LRFN5: variants seen among roughly 807,000 people sequenced by gnomAD.
LRFN5 encodes the protein leucine-rich repeat and fibronectin type-III domain-containing protein 5.
A neutral mutation model predicts 45.6 loss-of-function variants in LRFN5; 24 were observed. The ratio of observed to expected loss-of-function variants is 0.53; its 90% confidence interval spans 0.38 to 0.74. The LOEUF is 0.74. LRFN5 is among the 30% of genes least tolerant of loss of function. The pLI, the probability that LRFN5 is intolerant of heterozygous loss-of-function variation, is 0.00. For missense variants in LRFN5, 776 were observed against 861.5 expected, an observed-to-expected ratio of 0.90 and a Z score of 1.24; for synonymous variants, 340 against 313.8, an observed-to-expected ratio of 1.08 and a Z score of -0.88.
chr14:41,610,990 ATGC>A (rs1193735851), intron 1 of LRFN5, among the ~76,000 whole-genome samples: 1 of 152,180 alleles, frequency 6.6e-6, no homozygotes, highest in Non-Finnish European at 1.5e-5. Context: ...GAAAAAAGAA[ATGC>A]TGGTGAATAT....
chr14:41,775,495 C>G (rs1439857702), intron 2 of LRFN5, among the ~76,000 whole-genome samples: 2 of 152,152 alleles, frequency 1.3e-5, no homozygotes, highest in Non-Finnish European at 2.9e-5. Context: ...AACTGGCATG[C>G]AAATATGGAT....
At chr14:41,736,452 T>C (rs534367178) in intron 1 of LRFN5, among the ~76,000 whole-genome samples, 2 of 152,310 alleles carry the variant, frequency 1.3e-5, no homozygotes, top group South Asian at 4.1e-4. Flanking sequence ...TTGATTTTTT[T>C]TCTTGTAAAT....
rs140386422 is a variant in LRFN5, at chr14:41,759,070, G to A, written c.-196-7784G>A. On this transcript the variant is annotated intron_variant, in intron 1 of 5. Transcript: ENST00000298119. ...CAGGCCAATAAGAGATCTAAGACACGTGGTACATCACATGATGTACCATTA... is the reference window on the plus strand; with the variant it reads ...CAGGCCAATAAGAGATCTAAGACACATGGTACATCACATGATGTACCATTA... Among the ~76,000 whole-genome samples the A allele has an allele frequency of 8.5e-5, 13 of 152,166 alleles. No homozygotes were observed. The East Asian group carries it at 1.7e-3, about 20-fold the overall frequency.
intron 2 of LRFN5, among the ~76,000 whole-genome samples, chr14:41,778,402 C>T (rs1259946115): frequency 6.6e-6 from 1 of 151,566 alleles, no homozygotes; most frequent in African/African-American, 2.4e-5. Context: ...TTTTAAAGTA[C>T]TTTGGGGACT....
intron 1 of LRFN5, among the ~76,000 whole-genome samples, chr14:41,698,133 A>T (rs918849575): frequency 6.6e-6 from 1 of 152,050 alleles, no homozygotes; most frequent in Admixed American, 6.6e-5. Flanking sequence ...AATTTAAGAA[A>T]TGTGTAAAGC....
intron 2 of LRFN5, among the ~76,000 whole-genome samples, chr14:41,792,373 A>T (rs1051565092): frequency 2.0e-5 from 3 of 152,034 alleles, no homozygotes; most frequent in African/African-American, 7.2e-5. Flanking sequence ...GTTCGAGAGC[A>T]GAGAACTTGT....
chr14:41,894,522 A>G lies in LRFN5; in HGVS notation c.2098+2560A>G, dbSNP rs1374654069. The G allele has an allele frequency of 5.2e-6, 5 of 965,458 alleles. No individual in the cohort carries two copies. In the East Asian group the frequency reaches 3.4e-4, roughly 66 times the overall value. 59.8% of individuals were successfully genotyped at this position (965,458 alleles called of 1,614,324 possible). A position where few individuals can be genotyped will look rare whatever the true frequency, so the allele number is the denominator to read the frequency against. ...TCTGGCCTGAGATTTTGCCCTTCAA[A>G]AAGTCTATATTTTAAGAGATTAACA... On this transcript the variant is annotated intron_variant, in intron 4 of 5. Transcript: ENST00000298119.
chr14:41,674,149 C>T (rs1881438804), intron 1 of LRFN5, among the ~76,000 whole-genome samples: 1 of 136,026 alleles, frequency 7.4e-6, no homozygotes, highest in Admixed American at 7.2e-5. Context: ...GTAGGGGCGG[C>T]CGGGCAGAGG....
At chr14:41,852,422 T>C (rs1031981536) in intron 2 of LRFN5, among the ~76,000 whole-genome samples, 4 of 151,940 alleles carry the variant, frequency 2.6e-5, no homozygotes, top group African/African-American at 4.8e-5. Context: ...TATATATTGA[T>C]TTCTTTTCAC....
At chr14:41,802,643 G>A (rs927993942) in intron 2 of LRFN5, among the ~76,000 whole-genome samples, 1 of 152,096 alleles carries the variant, frequency 6.6e-6, no homozygotes, top group Non-Finnish European at 1.5e-5. Context: ...GAGTTTTGTG[G>A]TCTTTAAATT....
intron 1 of LRFN5, among the ~76,000 whole-genome samples, chr14:41,660,845 C>T (rs1880617252): frequency 6.6e-6 from 1 of 150,480 alleles, no homozygotes. Flanking sequence ...ATATAATTTT[C>T]TATGAACTAT....
chr14:41,673,951 A>C (rs28426670), intron 1 of LRFN5, among the ~76,000 whole-genome samples: 106,771 of 130,700 alleles, frequency 0.82, 43,241 homozygotes, highest in East Asian at 0.99. Context: ...GGGGGCTGAC[A>C]CCCCCACCTC....
chr14:41,805,349 G>C (rs1887482358), intron 2 of LRFN5, among the ~76,000 whole-genome samples: 1 of 150,428 alleles, frequency 6.6e-6, no homozygotes, highest in Admixed American at 6.6e-5. Context: ...ATAATTGGAA[G>C]TTCTCACAAA....
chr14:41,628,761 T>C (rs569660502), intron 1 of LRFN5, among the ~76,000 whole-genome samples: 2 of 152,238 alleles, frequency 1.3e-5, no homozygotes, highest in South Asian at 2.1e-4. Context: ...GATAGTAGCA[T>C]TGAAGATATA....
chr14:41,894,070 C>G, intron 4 of LRFN5: 1 of 984,112 alleles, frequency 1.0e-6, no homozygotes, highest in Non-Finnish European at 1.2e-6. Context: ...ACTACTTTTT[C>G]TCTTCTTAGA....
At chr14:41,665,845 T>C (rs983150651) in intron 1 of LRFN5, among the ~76,000 whole-genome samples, 5 of 152,048 alleles carry the variant, frequency 3.3e-5, no homozygotes, top group Non-Finnish European at 5.9e-5. Flanking sequence ...TTTCTAATTA[T>C]AATTTAAATC....
chr14:41,884,588 C>G (rs1290205293), intron 2 of LRFN5, among the ~76,000 whole-genome samples: 1 of 152,114 alleles, frequency 6.6e-6, no homozygotes, highest in East Asian at 1.9e-4. Flanking sequence ...GCTTATCTGC[C>G]TTATGCACAG....
At chr14:41,756,916 G>A (rs1885414580) in intron 1 of LRFN5, among the ~76,000 whole-genome samples, 1 of 152,156 alleles carries the variant, frequency 6.6e-6, no homozygotes, top group Non-Finnish European at 1.5e-5. Flanking sequence ...TGATGATGGT[G>A]ACGTACAGAT....
At chr14:41,675,421 C>G (rs982049971) in intron 1 of LRFN5, among the ~76,000 whole-genome samples, 1 of 152,216 alleles carries the variant, frequency 6.6e-6, no homozygotes, top group East Asian at 1.9e-4. Flanking sequence ...GCCAACACAG[C>G]GAAACCCCGT....
Sources: allele counts gnomAD v4.1 joint callset (sites outside exome capture counted in the v4.1 genomes callset), GRCh38; gene constraint gnomAD v4.1.1; transcripts MANE v1.5; gene names NCBI Gene and HGNC (gene_info 2026-07-23, HGNC 2026-07-21).